MYO16: variants seen among roughly 807,000 people sequenced by gnomAD.
MYO16 encodes the protein unconventional myosin-XVI.
MYO16 carries 94 observed loss-of-function variants against 205.3 expected under a neutral mutation model. That is an observed-to-expected ratio of 0.46 (90% CI 0.39 to 0.54). The LOEUF (loss-of-function observed/expected upper bound fraction) is 0.54, where lower values mean the gene tolerates loss of function less well. Ranked by LOEUF, MYO16 falls within the 20% of genes least tolerant of loss-of-function variation. The pLI, the probability that MYO16 is intolerant of heterozygous loss-of-function variation, is 0.00. For missense variants in MYO16, 2,315 were observed against 2,387.5 expected, an observed-to-expected ratio of 0.97 and a Z score of 0.63; for synonymous variants, 988 against 954.0, an observed-to-expected ratio of 1.04 and a Z score of -0.66.
At chr13:108,622,633 G>A (rs1879587286) in intron 1 of MYO16, among the ~76,000 whole-genome samples, 1 of 149,924 alleles carries the variant, frequency 6.7e-6, no homozygotes. Flanking sequence ...GAAGAGAAAA[G>A]GAGGAGGGGG....
rs576929781 is a variant in MYO16, at chr13:108,941,676, C to CAAA, written c.1926-15995_1926-15993dup. 2.0e-3 allele frequency among the ~76,000 whole-genome samples: 89 copies of CAAA among 45,014 alleles called. 1 individual carries two copies. Among genetic ancestry groups the CAAA allele is most frequent in the African/African-American group, 5.4e-3 (84 of 15,662 alleles). The allele number at this position is 45,014 out of a possible 152,430, so 29.5% of individuals were successfully genotyped here. ...TAGGCGACAGAGCAAGACTCAGTCT[C>CAAA]AAAAAAAAAAAAAAAAAAAGGTAAA... On this transcript the variant is annotated intron_variant, in intron 16 of 34. Transcript: ENST00000457511.
chr13:108,981,629 C>T lies in MYO16; in HGVS notation c.2370-10747C>T, dbSNP rs370634835. On this transcript the variant is annotated intron_variant, in intron 20 of 34. Transcript: ENST00000457511. ...GAGACAGACACTCGTGTTGCTCCAG[C>T]CTTCAGCTGGCCAATTGCGGGGCCG... Among the ~76,000 whole-genome samples, 48 of 152,358 alleles carry T rather than the reference C, an allele frequency of 3.2e-4. 1 individual carries two copies. The South Asian group carries it at 8.9e-3, about 28-fold the overall frequency.
At chr13:108,827,965 G>A (rs1876373837) in intron 9 of MYO16, among the ~76,000 whole-genome samples, 1 of 152,118 alleles carries the variant, frequency 6.6e-6, no homozygotes, top group African/African-American at 2.4e-5. Context: ...TGTTGCCTAA[G>A]TGGAGTAGTT....
intron 1 of MYO16, among the ~76,000 whole-genome samples, chr13:108,652,040 A>T (rs950498136): frequency 6.7e-6 from 1 of 148,400 alleles, no homozygotes; most frequent in Non-Finnish European, 1.5e-5. Context: ...TTTCATCGTC[A>T]TTGTATATGC....
At chr13:108,771,829 C>T (rs1885975785) in intron 4 of MYO16, among the ~76,000 whole-genome samples, 2 of 151,974 alleles carry the variant, frequency 1.3e-5, no homozygotes, top group Non-Finnish European at 2.9e-5. Flanking sequence ...GGCTTCATAG[C>T]TCATTTTTGT....
At chr13:109,083,404 AAAAAAAAAAAAAAAAG>A (rs1388847274) in intron 27 of MYO16, among the ~76,000 whole-genome samples, 1 of 133,582 alleles carries the variant, frequency 7.5e-6, no homozygotes, top group Non-Finnish European at 1.6e-5. Flanking sequence ...AAAAAAAAAA[AAAAAAAAAAAAAAAAG>A]CTTCTGCAGT....
intron 21 of MYO16, among the ~76,000 whole-genome samples, chr13:108,999,970 G>A (rs1885159603): frequency 6.6e-6 from 1 of 152,044 alleles, no homozygotes; most frequent in Admixed American, 6.6e-5. Flanking sequence ...TTTTTCCATA[G>A]TGGAATTTAT....
intron 4 of MYO16, among the ~76,000 whole-genome samples, chr13:108,776,106 C>T (rs951515762): frequency 5.3e-5 from 8 of 152,176 alleles, no homozygotes; most frequent in Admixed American, 6.5e-5. Context: ...CAAAGAATCC[C>T]CTTTGTATCA....
At chr13:108,541,126 A>G in the MYO16 span, among the ~76,000 whole-genome samples, 7 of 151,988 alleles carry the variant, frequency 4.6e-5, no homozygotes, top group Non-Finnish European at 2.9e-5. Flanking sequence ...TTATTACTCA[A>G]TATGCCTCAG....
chr13:108,872,266 T>C (rs1879106675), intron 12 of MYO16, among the ~76,000 whole-genome samples: 1 of 152,212 alleles, frequency 6.6e-6, no homozygotes, highest in Non-Finnish European at 1.5e-5. Context: ...AAAATGACTC[T>C]TATTTGGATG....
chr13:109,187,355 T>C (rs1879729102), intron 34 of MYO16, among the ~76,000 whole-genome samples: 1 of 152,216 alleles, frequency 6.6e-6, no homozygotes, highest in Admixed American at 6.5e-5. Flanking sequence ...ATTTTCTCTA[T>C]TGTTTTACTG....
At chr13:108,668,330 G>A (rs1440363180) in intron 2 of MYO16, among the ~76,000 whole-genome samples, 1 of 152,184 alleles carries the variant, frequency 6.6e-6, no homozygotes, top group African/African-American at 2.4e-5. Context: ...GAGCTAGGGT[G>A]TGGTGAGAAA....
chr13:108,847,991 T>C (rs1877612622), intron 10 of MYO16, among the ~76,000 whole-genome samples: 1 of 152,024 alleles, frequency 6.6e-6, no homozygotes, highest in Non-Finnish European at 1.5e-5. Context: ...CAGCCTGGAG[T>C]AGAGAGAGAG....
intron 4 of MYO16, among the ~76,000 whole-genome samples, chr13:108,781,052 G>A (rs1886285248): frequency 6.6e-6 from 1 of 152,140 alleles, no homozygotes; most frequent in Non-Finnish European, 1.5e-5. Context: ...TCAATGCCAA[G>A]TTCCTTTTCT....
chr13:108,820,703 C>G (rs146596891), intron 8 of MYO16, among the ~76,000 whole-genome samples: 1 of 152,220 alleles, frequency 6.6e-6, no homozygotes, highest in Non-Finnish European at 1.5e-5. Context: ...GTGATTCATT[C>G]AGTGTAACGT....
At position 109,127,434 on chromosome 13, in the gene MYO16, C is replaced by T. The variant is rs142740068; in HGVS notation, c.3935C>T (p.Pro1312Leu). The T allele has an allele frequency of 4.7e-5, 76 of 1,614,028 alleles. No individual in the cohort carries two copies. The African/African-American group carries it at 8.5e-4, about 18-fold the overall frequency. The change falls in exon 31 of 35, where the codon CCG becomes CTG. Residue 1312 changes from proline to leucine, a missense_variant. Pro to Leu is a moderately conservative substitution (Grantham distance 98). Coordinates refer to ENST00000457511, the MANE Select transcript of MYO16 (RefSeq NM_001198950.3). The surrounding 1 kb of genome is among the most constrained non-coding windows in gnomAD (Gnocchi z 4.2). The stretch of plus-strand genomic sequence containing the variant: ...AGCATGGATGACAGCAGCAGCCTCC[C>T]GTCTCCACGGAAACAGCCCCCGCCC... ...VFSMDDSSSL[P>L]SPRKQPPPKP...
chr13:108,852,407 A>T (rs889947589), intron 10 of MYO16, among the ~76,000 whole-genome samples: 1 of 152,176 alleles, frequency 6.6e-6, no homozygotes, highest in Non-Finnish European at 1.5e-5. Flanking sequence ...TTATCATGCC[A>T]GTTTTGCTTC....
At chr13:108,576,892 C>T in the MYO16 span, among the ~76,000 whole-genome samples, 1 of 152,104 alleles carries the variant, frequency 6.6e-6, no homozygotes, top group Admixed American at 6.5e-5. Flanking sequence ...TCCTGAGTAG[C>T]TGGGACTACA....
At chr13:108,886,352 T>C in intron 13 of MYO16, 1 of 453,314 alleles carries the variant, frequency 2.2e-6, no homozygotes, top group Non-Finnish European at 4.4e-6. Flanking sequence ...AAAAAATACC[T>C]CTTCATTCAA....
Sources: allele counts gnomAD v4.1 joint callset (sites outside exome capture counted in the v4.1 genomes callset), GRCh38; gene constraint gnomAD v4.1.1; non-coding constraint Gnocchi (gnomAD v3.1); transcripts MANE v1.5; gene names NCBI Gene and HGNC (gene_info 2026-07-23, HGNC 2026-07-21).